Variants in ERBB4 observed in about 807,000 individuals in gnomAD.
The protein encoded by ERBB4 is receptor tyrosine-protein kinase erbB-4.
ERBB4 carries 42 observed loss-of-function variants against 158.0 expected under a neutral mutation model. The ratio of observed to expected loss-of-function variants is 0.27; its 90% CI spans 0.21 to 0.34. The LOEUF (loss-of-function observed/expected upper bound fraction) is 0.34. Among genes scored for constraint, ERBB4 ranks in the 10% least tolerant of loss-of-function variants. The probability of loss-of-function intolerance (pLI) is 1.00; values close to 1 mark genes in which losing one functional copy is unlikely to be tolerated. For missense variants in ERBB4, 1,333 were observed against 1,624.1 expected, an observed-to-expected ratio of 0.82 and a Z score of 3.08; for synonymous variants, 583 against 558.7, an observed-to-expected ratio of 1.04 and a Z score of -0.61.
chr2:211,762,395 C>T (rs1451183924), intron 4 of ERBB4, among the ~76,000 whole-genome samples: 4 of 152,160 alleles, frequency 2.6e-5, no homozygotes, highest in Non-Finnish European at 5.9e-5. Context: ...TACGAATAAC[C>T]CAACTCCAGT....
intron 1 of ERBB4, among the ~76,000 whole-genome samples, chr2:212,254,912 G>A (rs1051272689): frequency 1.3e-5 from 2 of 152,148 alleles, no homozygotes; most frequent in African/African-American, 4.8e-5. Context: ...GATACTCTCT[G>A]AGAAAGTCTA....
intron 1 of ERBB4, among the ~76,000 whole-genome samples, chr2:212,397,384 T>C (rs1376222133): frequency 6.6e-6 from 1 of 151,186 alleles, no homozygotes. Flanking sequence ...GAGGCGAGAG[T>C]ATCAGTTGAG....
At chr2:212,135,542 T>A (rs542826915) in intron 1 of ERBB4, among the ~76,000 whole-genome samples, 12 of 152,316 alleles carry the variant, frequency 7.9e-5, no homozygotes, top group Non-Finnish European at 1.2e-4. Flanking sequence ...TTAATTTTTA[T>A]TTCATAACAT....
chr2:212,428,692 T>C (rs2105931310), intron 1 of ERBB4, among the ~76,000 whole-genome samples: 1 of 152,228 alleles, frequency 6.6e-6, no homozygotes, highest in African/African-American at 2.4e-5. Context: ...TAAAATAAAA[T>C]TTAAATAAAT....
At position 211,377,967 on chromosome 2, in the gene ERBB4, G is replaced by GA. The variant is rs1261318557; in HGVS notation, c.*5647dup. ...TGTCCAAATTGCTAGAATCTCTTAT[G>GA]AAAAAATCAGGCATTCGAGGGCAAA... On this transcript the variant is annotated 3_prime_UTR_variant, in exon 28 of 28. Coordinates refer to ENST00000342788, the MANE Select transcript of ERBB4 (RefSeq NM_005235.3). The GA allele has an allele frequency of 4.3e-6, 1 of 232,786 alleles. No individual in the cohort carries two copies. The highest frequency in any genetic ancestry group is 8.5e-6 in the Non-Finnish European group (1 of 117,584). 14.4% of individuals were successfully genotyped at this position (232,786 alleles called of 1,614,324 possible).
In ERBB4 at chr2:212,010,361, G is replaced by A. The variant is rs180690244; in HGVS notation, c.235-62745C>T. Reference sequence around the variant, plus strand: ...ATATTTGCAGGAAAACAAGAGTATTGTAATTATTATTATTTTATTTGTTTA... The same window carrying A: ...ATATTTGCAGGAAAACAAGAGTATTATAATTATTATTATTTTATTTGTTTA... On this transcript the variant is annotated intron_variant, in intron 2 of 27. Coordinates refer to ENST00000342788, the MANE Select transcript of ERBB4 (RefSeq NM_005235.3). 2.0e-5 allele frequency among the ~76,000 whole-genome samples: 3 copies of A among 152,074 alleles called. No homozygotes were observed. In the East Asian group the frequency reaches 5.8e-4, roughly 29 times the overall value.
chr2:212,186,423 TAAA>T (rs1438097875), intron 1 of ERBB4, among the ~76,000 whole-genome samples: 1 of 152,204 alleles, frequency 6.6e-6, no homozygotes, highest in Non-Finnish European at 1.5e-5. Flanking sequence ...ATGTGTTCAT[TAAA>T]CTTGGCTAAT....
intron 2 of ERBB4, among the ~76,000 whole-genome samples, chr2:211,987,713 A>G (rs997789022): frequency 1.3e-5 from 2 of 152,160 alleles, no homozygotes; most frequent in East Asian, 1.9e-4. Context: ...AAAAAATGCA[A>G]TTGTTTCTCA....
chr2:212,275,107 C>A (rs910265294), intron 1 of ERBB4, among the ~76,000 whole-genome samples: 35 of 151,804 alleles, frequency 2.3e-4, no homozygotes, highest in African/African-American at 7.7e-4. Flanking sequence ...TGAACTCATC[C>A]TTTTTTATGG....
intron 2 of ERBB4, among the ~76,000 whole-genome samples, chr2:212,101,354 T>TATATATATATATAC (rs1553558287): frequency 2.0e-5 from 3 of 148,992 alleles, no homozygotes; most frequent in African/African-American, 4.9e-5. Context: ...CCTATACATA[T>TATATATATATATAC]ATATATATAT....
chr2:211,909,952 C>A (rs772703424), intron 3 of ERBB4, among the ~76,000 whole-genome samples: 2 of 151,706 alleles, frequency 1.3e-5, no homozygotes, highest in African/African-American at 2.4e-5. Context: ...CAGAGTCTTG[C>A]TTGGTCACCC....
intron 1 of ERBB4, among the ~76,000 whole-genome samples, chr2:212,375,397 T>C (rs200315668): frequency 1.3e-5 from 2 of 152,106 alleles, no homozygotes; most frequent in East Asian, 3.9e-4. Flanking sequence ...TGATACCTAA[T>C]CTTGCCTGAT....
In ERBB4 at chr2:211,494,299, C is replaced by T. The variant is rs116464967; in HGVS notation, c.2488-63199G>A. ...ATTATAGGCGTGAGCCACCGCACCC[C>T]GCCGGACTCCCTGTTTTGAGTACTA... On this transcript the variant is annotated intron_variant, in intron 20 of 27. Coordinates refer to ENST00000342788, the MANE Select transcript of ERBB4 (RefSeq NM_005235.3). 9.7e-3 allele frequency among the ~76,000 whole-genome samples: 1,478 copies of T among 152,142 alleles called. 22 individuals are homozygous for T. The highest frequency in any genetic ancestry group is 0.033 in the African/African-American group (1,390 of 41,522).
chr2:211,533,129 G>A (rs1035375476), intron 20 of ERBB4, among the ~76,000 whole-genome samples: 7 of 151,774 alleles, frequency 4.6e-5, no homozygotes, highest in Admixed American at 1.3e-4. Flanking sequence ...ATGATTCTCA[G>A]GTCTTGCAGA....
intron 1 of ERBB4, among the ~76,000 whole-genome samples, chr2:212,183,202 G>T (rs541300430): frequency 2.0e-5 from 3 of 151,918 alleles, no homozygotes; most frequent in Admixed American, 2.0e-4. Flanking sequence ...ACACCCTAAA[G>T]CTCTGAAGTA....
At chr2:212,061,436 G>C (rs1344831474) in intron 2 of ERBB4, among the ~76,000 whole-genome samples, 4 of 108,066 alleles carry the variant, frequency 3.7e-5, no homozygotes, top group Non-Finnish European at 6.8e-5. Context: ...CTGGGTGACA[G>C]AGTGAGACTC....
At position 211,679,148 on chromosome 2, in the gene ERBB4, C is replaced by T. The variant is rs376154931; in HGVS notation, c.1526G>A (p.Ser509Asn). The change falls in exon 13 of 28, where the codon AGT becomes AAT. Residue 509 changes from serine (S) to asparagine (N), a missense_variant. Transcript: ENST00000342788. ...EGMVCNHLCS[S>N]DGCWGPGPDQ... Reference sequence around the variant, plus strand: ...TGGCCCAGGTCCCCAACAGCCATCACTGGAACACAGATGGTTGCACACCAT... The same window carrying T: ...TGGCCCAGGTCCCCAACAGCCATCATTGGAACACAGATGGTTGCACACCAT... The T allele has an allele frequency of 6.2e-6, 10 of 1,613,778 alleles. No individual in the cohort carries two copies. Among genetic ancestry groups the T allele is most frequent in the African/African-American group, 1.3e-5 (1 of 74,886 alleles).
chr2:212,262,575 A>G (rs1443217685), intron 1 of ERBB4, among the ~76,000 whole-genome samples: 3 of 152,136 alleles, frequency 2.0e-5, no homozygotes, highest in Non-Finnish European at 2.9e-5. Flanking sequence ...GCTCCCTTCC[A>G]ATGCTTTGAA....
chr2:211,427,948 A>C (rs1302503401), intron 22 of ERBB4, among the ~76,000 whole-genome samples: 1 of 151,522 alleles, frequency 6.6e-6, no homozygotes, highest in African/African-American at 2.4e-5. Flanking sequence ...CAGGAAAAAA[A>C]AAAAAACAGA....
Sources: allele counts gnomAD v4.1 joint callset (sites outside exome capture counted in the v4.1 genomes callset), GRCh38; gene constraint gnomAD v4.1.1; transcripts MANE v1.5; gene names NCBI Gene and HGNC (gene_info 2026-07-23, HGNC 2026-07-21).